The following DSTN variants were observed in gnomAD, a reference collection of about 807,000 sequenced individuals.
The protein encoded by DSTN is destrin, actin depolymerizing factor.
In DSTN, 10 loss-of-function variants were observed where a neutral mutation model predicts 16.8. That is an observed-to-expected ratio of 0.60 (90% CI 0.37 to 1.01). DSTN has a LOEUF of 1.01. DSTN is among the 50% of genes least tolerant of loss of function. DSTN has a pLI of 0.01. For missense variants in DSTN, 141 were observed against 196.7 expected (o/e 0.72, Z 1.69); for synonymous variants, 57 against 58.9 (o/e 0.97, Z 0.14).
At chr20:17,596,778 T>C in intron 1 of DSTN, 1 of 985,460 alleles carries the variant, frequency 1.0e-6, no homozygotes, top group Non-Finnish European at 1.2e-6. Context: ...TTACTGAGGC[T>C]TTTAAGGAGC....
At chr20:17,598,759 C>G (rs2035554029) in intron 1 of DSTN, among the ~76,000 whole-genome samples, 1 of 152,024 alleles carries the variant, frequency 6.6e-6, no homozygotes, top group Non-Finnish European at 1.5e-5. Context: ...ATTCATTTTT[C>G]CCTTTTTATT....
At chr20:17,583,490 G>A (rs1266394801) in intron 1 of DSTN, among the ~76,000 whole-genome samples, 1 of 152,088 alleles carries the variant, frequency 6.6e-6, no homozygotes, top group African/African-American at 2.4e-5. Context: ...TCCATGCAAG[G>A]GAAGGGAATA....
chr20:17,572,488 G>GT (rs1467282244), intron 1 of DSTN, among the ~76,000 whole-genome samples: 2 of 152,216 alleles, frequency 1.3e-5, no homozygotes, highest in Non-Finnish European at 2.9e-5. Context: ...TGTAACCAGA[G>GT]TATCTTTTAT....
chr20:17,602,241 G>C (rs951763788), intron 2 of DSTN, among the ~76,000 whole-genome samples: 3 of 152,162 alleles, frequency 2.0e-5, no homozygotes, highest in Non-Finnish European at 4.4e-5. Context: ...TGGTACATAA[G>C]ACTGAAAATT....
intron 1 of DSTN, among the ~76,000 whole-genome samples, chr20:17,581,255 A>AGGAT (rs1294992044): frequency 9.2e-5 from 14 of 152,120 alleles, no homozygotes; most frequent in Non-Finnish European, 1.5e-4. Context: ...CCGAGGTGAG[A>AGGAT]GGATCACTTG....
chr20:17,586,701 A>C (rs2035412840), intron 1 of DSTN, among the ~76,000 whole-genome samples: 1 of 152,256 alleles, frequency 6.6e-6, no homozygotes, highest in Non-Finnish European at 1.5e-5. Flanking sequence ...GATTTCAATA[A>C]AAATTGGCTG....
chr20:17,585,421 A>G (rs996613233), intron 1 of DSTN, among the ~76,000 whole-genome samples: 1 of 152,160 alleles, frequency 6.6e-6, no homozygotes, highest in Non-Finnish European at 1.5e-5. Flanking sequence ...TTGCTAGTTA[A>G]CCATCCAGAG....
intron 1 of DSTN, among the ~76,000 whole-genome samples, chr20:17,577,473 G>A (rs544173580): frequency 2.6e-5 from 4 of 152,050 alleles, no homozygotes; most frequent in South Asian, 4.2e-4. Flanking sequence ...AGGTTGAGGC[G>A]GGAGAATTGC....
intron 2 of DSTN, among the ~76,000 whole-genome samples, chr20:17,604,278 C>A (rs982984725): frequency 6.6e-6 from 1 of 152,154 alleles, no homozygotes; most frequent in Non-Finnish European, 1.5e-5. Flanking sequence ...TTCATTATGG[C>A]GACTGTAATC....
At chr20:17,570,337 C>T (rs2035183744) in intron 1 of DSTN, 126 bp downstream of exon 1, 1 of 1,279,392 alleles carries the variant, frequency 7.8e-7, no homozygotes, top group Non-Finnish European at 1.0e-6. Context: ...GGTCCGGCTG[C>T]AGTGTCCGGG....
intron 1 of DSTN, among the ~76,000 whole-genome samples, chr20:17,586,057 C>G (rs1196116983): frequency 2.6e-5 from 4 of 152,050 alleles, no homozygotes; most frequent in Admixed American, 2.6e-4. Context: ...AAACAGGTCG[C>G]CCGAGAGAGG....
intron 1 of DSTN, among the ~76,000 whole-genome samples, chr20:17,580,670 C>T (rs756439361): frequency 1.3e-5 from 2 of 152,024 alleles, no homozygotes; most frequent in Non-Finnish European, 2.9e-5. Flanking sequence ...ATCACTTGAA[C>T]CCGGGAGGCG....
At chr20:17,570,252 G>T in intron 1 of DSTN, 41 bp downstream of exon 1, 1 of 1,477,680 alleles carries the variant, frequency 6.8e-7, no homozygotes, top group African/African-American at 1.5e-5. Flanking sequence ...GAGGCGGCCG[G>T]GAGCAGTGTG....
chr20:17,570,776 T>G (rs1303900375), intron 1 of DSTN, among the ~76,000 whole-genome samples: 1 of 152,208 alleles, frequency 6.6e-6, no homozygotes, highest in African/African-American at 2.4e-5. Context: ...CTGGCATGAT[T>G]TAGAACGGGG....
intron 1 of DSTN, among the ~76,000 whole-genome samples, chr20:17,588,446 T>A (rs575926386): frequency 6.6e-6 from 1 of 152,296 alleles, no homozygotes; most frequent in East Asian, 1.9e-4. Context: ...CATCAGCATG[T>A]CCTTAACCTT....
chr20:17,583,314 G>A (rs562449084), intron 1 of DSTN, among the ~76,000 whole-genome samples: 9 of 40,216 alleles, frequency 2.2e-4, no homozygotes, highest in East Asian at 7.9e-4. Context: ...GGGAGCTACC[G>A]TATGACTCAG....
chr20:17,578,855 G>A (rs2035310008), intron 1 of DSTN, among the ~76,000 whole-genome samples: 2 of 151,728 alleles, frequency 1.3e-5, no homozygotes, highest in South Asian at 4.2e-4. Flanking sequence ...CAGCTACTTG[G>A]GAGGCTGAGG....
intron 1 of DSTN, among the ~76,000 whole-genome samples, chr20:17,583,504 T>C (rs2035368959): frequency 6.6e-6 from 1 of 152,124 alleles, no homozygotes; most frequent in Non-Finnish European, 1.5e-5. Flanking sequence ...GGGAATATTA[T>C]TTGGCAATAA....
At chr20:17,582,077 A>ATTTTTT (rs35744527) in intron 1 of DSTN, among the ~76,000 whole-genome samples, 14 of 126,726 alleles carry the variant, frequency 1.1e-4, no homozygotes, top group African/African-American at 3.7e-4. Flanking sequence ...TGAAATATAC[A>ATTTTTT]TTTTTTTTTT....
Sources: gnomAD v4.1 joint callset for allele counts (sites outside exome capture counted in the v4.1 genomes callset) on GRCh38, gnomAD v4.1.1 for gene constraint, MANE v1.5 for transcripts, NCBI Gene and HGNC (gene_info 2026-07-23, HGNC 2026-07-21) for gene names.